The following YEATS2 variants were observed in gnomAD, a reference collection of about 807,000 sequenced individuals.
YEATS2 encodes YEATS domain containing 2.
A neutral mutation model predicts 163.2 loss-of-function variants in YEATS2; 77 were observed. That is an observed-to-expected ratio of 0.47 (90% CI 0.39 to 0.57). The LOEUF is 0.57. Among genes scored for constraint, YEATS2 ranks in the 20% least tolerant of loss-of-function variants. YEATS2 has a pLI of 0.00. For synonymous variants in YEATS2, 631 were observed against 645.1 expected (o/e 0.98, Z 0.33); for missense variants, 1,549 against 1,729.8 (o/e 0.90, Z 1.85).
At chr3:183,758,746 A>C (rs953163911) in intron 12 of YEATS2, 116 bp from the exon 13 acceptor site, 1 of 783,770 alleles carries the variant, frequency 1.3e-6, no homozygotes, top group African/African-American at 1.8e-5. Context: ...ATGAGTTTTC[A>C]ACCCTTAAAC....
At chr3:183,744,199 G>A (rs1378566553) in intron 8 of YEATS2, among the ~76,000 whole-genome samples, 2 of 126,062 alleles carry the variant, frequency 1.6e-5, no homozygotes, top group African/African-American at 3.0e-5. Context: ...TGCAACCTCC[G>A]CCTCCCAGGT....
chr3:183,788,855 A>G (rs960566384), intron 20 of YEATS2, among the ~76,000 whole-genome samples: 1 of 152,138 alleles, frequency 6.6e-6, no homozygotes, highest in Non-Finnish European at 1.5e-5. Flanking sequence ...TGTAGTTTTG[A>G]TTTGTGTTTC....
intron 25 of YEATS2, 196 bp from the exon 26 acceptor site, chr3:183,803,060 C>T (rs145059197): frequency 0.01 from 6,154 of 598,532 alleles, 55 homozygotes; most frequent in Non-Finnish European, 0.013. Context: ...AGGTGTGTTG[C>T]TTTGAGTACA....
chr3:183,703,363 A>AT (rs991380078), intron 1 of YEATS2, among the ~76,000 whole-genome samples: 9 of 152,264 alleles, frequency 5.9e-5, no homozygotes, highest in African/African-American at 1.9e-4. Context: ...TTAGCATAGC[A>AT]TTTTTTTGTC....
At chr3:183,792,865 C>T (rs1724791741) in intron 21 of YEATS2, among the ~76,000 whole-genome samples, 1 of 152,074 alleles carries the variant, frequency 6.6e-6, no homozygotes, top group Admixed American at 6.6e-5. Flanking sequence ...CATTGACAGC[C>T]TGTTTGTATT....
chr3:183,699,100 C>T (rs1713798629), intron 1 of YEATS2, among the ~76,000 whole-genome samples: 1 of 152,044 alleles, frequency 6.6e-6, no homozygotes, highest in Non-Finnish European at 1.5e-5. Context: ...TTTGCAGTAG[C>T]TTGGACTAGG....
rs763376639 is a variant in YEATS2 at position 183,791,018 on chromosome 3, C to T, written c.3097+38C>T. ...GTGATATTATTTCTCTCTCTTTTCT[C>T]TCATTGGGCTGGAATATTTTTGTTT... On this transcript the variant is annotated intron_variant, in intron 21 of 30. Coordinates refer to ENST00000305135, the MANE Select transcript of YEATS2 (RefSeq NM_018023.5). 180 of 1,595,266 alleles carry T rather than the reference C, an allele frequency of 1.1e-4. 1 individual carries two copies. Among genetic ancestry groups the T allele is most frequent in the Non-Finnish European group, 3.9e-5 (45 of 1,167,292 alleles).
chr3:183,798,887 T>G lies in YEATS2; in HGVS notation c.3227-4T>G. The G allele has an allele frequency of 6.2e-7, 1 of 1,610,180 alleles. No individual in the cohort carries two copies. The highest frequency in any genetic ancestry group is 8.5e-7 in the Non-Finnish European group (1 of 1,176,430). On this transcript the variant is annotated splice_polypyrimidine_tract_variant and splice_region_variant and intron_variant, in intron 22 of 30. Transcript: ENST00000305135. ...TATATCCCTCCCTCCTTTTTTCCCT[T>G]TAGTGGTTCAGTCATTTTCTACCAG...
chr3:183,800,460 T>A lies in YEATS2; in HGVS notation c.3326-6T>A. ...CAGCTGCCTCTTTGTTGCTCTTCCC[T>A]TGTAGTGAAGACTGAACCAGAAACA... On this transcript the variant is annotated splice_region_variant and splice_polypyrimidine_tract_variant and intron_variant, in intron 23 of 30. Transcript: ENST00000305135. 6.2e-7 allele frequency: 1 copy of A among 1,612,070 alleles called. No homozygotes were observed. Among genetic ancestry groups the A allele is most frequent in the Non-Finnish European group, 8.5e-7 (1 of 1,178,548 alleles).
intron 14 of YEATS2, 122 bp downstream of exon 14, chr3:183,761,736 C>T (rs943719409): frequency 2.3e-5 from 21 of 899,126 alleles, no homozygotes; most frequent in East Asian, 2.3e-4. Context: ...CATTCTGAGA[C>T]GTGCTTCCAT....
chr3:183,785,051 C>G (rs1723929759), intron 19 of YEATS2, among the ~76,000 whole-genome samples: 1 of 151,266 alleles, frequency 6.6e-6, no homozygotes, highest in South Asian at 2.1e-4. Context: ...CCAGTCTGAG[C>G]AAAAGAGCAA....
intron 5 of YEATS2, among the ~76,000 whole-genome samples, chr3:183,722,727 A>G (rs955733388): frequency 6.6e-6 from 1 of 151,948 alleles, no homozygotes; most frequent in South Asian, 2.1e-4. Context: ...ATCTCGGCTC[A>G]TTGCCACCTC....
chr3:183,803,269 C>A lies in YEATS2; in HGVS notation c.3516C>A (p.Ser1172Arg). 1 of 1,611,836 alleles carries A rather than the reference C, an allele frequency of 6.2e-7. No individual in the cohort carries two copies. Among genetic ancestry groups the A allele is most frequent in the Non-Finnish European group, 8.5e-7 (1 of 1,179,906 alleles). ...PLITAKSEDA[S>R]CFSAKSVEQY... ...TGTGCATTCTAGGTGAAGATGCCAG[C>A]TGCTTTTCTGCAAAGTCTGTGGAGC... The change falls in exon 26 of 31, where the codon AGC becomes AGA. Residue 1172 changes from serine (S) to arginine (R), a missense_variant. Physicochemically the swap from Ser to Arg is moderately radical, Grantham distance 110. Coordinates refer to ENST00000305135, the MANE Select transcript of YEATS2 (RefSeq NM_018023.5).
intron 3 of YEATS2, among the ~76,000 whole-genome samples, 166 bp downstream of exon 3, chr3:183,717,914 T>A (rs1445694573): frequency 6.6e-6 from 1 of 151,590 alleles, no homozygotes; most frequent in Non-Finnish European, 1.5e-5. Context: ...GAAAATGCTA[T>A]TTTTTAAATA....
chr3:183,792,915 G>A (rs987824719), intron 21 of YEATS2, among the ~76,000 whole-genome samples: 3 of 152,164 alleles, frequency 2.0e-5, no homozygotes, highest in South Asian at 2.1e-4. Flanking sequence ...ATAGAATATT[G>A]ATGTATTTGA....
intron 12 of YEATS2, 35 bp from the exon 13 acceptor site, chr3:183,758,827 C>T (rs750911032): frequency 1.4e-6 from 2 of 1,379,346 alleles, no homozygotes; most frequent in Admixed American, 2.1e-5. Context: ...GTAAATTTTA[C>T]TTTGTTTATG....
At chr3:183,721,292 AAC>A (rs1362369492) in intron 4 of YEATS2, among the ~76,000 whole-genome samples, 1 of 152,200 alleles carries the variant, frequency 6.6e-6, no homozygotes, top group East Asian at 1.9e-4. Flanking sequence ...TTAGTTTAAT[AAC>A]ACAGTTTTTA....
intron 8 of YEATS2, among the ~76,000 whole-genome samples, chr3:183,737,468 C>T (rs537470245): frequency 2.6e-5 from 4 of 152,306 alleles, no homozygotes; most frequent in African/African-American, 9.6e-5. Context: ...AATGCATATC[C>T]TTTAAAAAGA....
intron 28 of YEATS2, 149 bp from the exon 29 acceptor site, chr3:183,807,881 G>A (rs2108540182): frequency 3.4e-6 from 2 of 596,196 alleles, no homozygotes; most frequent in East Asian, 2.9e-5. Flanking sequence ...TATATTCCGT[G>A]TTCCTTTCCC....
Sources: gnomAD v4.1 joint callset for allele counts (sites outside exome capture counted in the v4.1 genomes callset) on GRCh38, gnomAD v4.1.1 for gene constraint, MANE v1.5 for transcripts, NCBI Gene and HGNC (gene_info 2026-07-23, HGNC 2026-07-21) for gene names.